The following KDM2A variants were observed in gnomAD, a reference collection of about 807,000 sequenced individuals.
KDM2A encodes lysine demethylase 2A, also known as lysine-specific demethylase 2A.
Under a neutral mutation model 137.3 loss-of-function variants are expected in KDM2A, and 3 were observed. The observed-to-expected ratio is 0.02, with a 90% confidence interval of 0.01 to 0.06. KDM2A has a LOEUF of 0.06. KDM2A is among the 10% of genes least tolerant of loss of function. The pLI is 1.00. For synonymous variants in KDM2A, 512 were observed against 541.5 expected (o/e 0.95, Z 0.76); for missense variants, 738 against 1,510.6 (o/e 0.49, Z 8.48).
At chr11:67,196,049 AT>A in intron 5 of KDM2A, 1 of 402,346 alleles carries the variant, frequency 2.5e-6, no homozygotes. Flanking sequence ...TAATCTTTTT[AT>A]TGCGTACCCA....
Position 67,231,771 on chromosome 11 carries a change from C to G in KDM2A, c.1290C>G (p.Ser430Arg). 1 of 1,614,048 alleles carries G rather than the reference C, an allele frequency of 6.2e-7. No homozygotes were observed. The highest frequency in any genetic ancestry group is 8.5e-7 in the Non-Finnish European group (1 of 1,179,898). The change falls in exon 12 of 21, where the codon AGC becomes AGG. Residue 430 changes from serine to arginine, a missense_variant. By Grantham distance (110) the Ser-to-Arg change is moderately radical. Transcript: ENST00000529006. ...TLAGDSSSDC[S>R]RGSHNGQVWD... ...CTGGGGACTCATCTTCTGACTGTAGCCGGGGCTCCCACAATGGACAAGTGT... is the reference window on the plus strand; with the variant it reads ...CTGGGGACTCATCTTCTGACTGTAGGCGGGGCTCCCACAATGGACAAGTGT...
intron 5 of KDM2A, among the ~76,000 whole-genome samples, chr11:67,187,056 G>C (rs1224276672): frequency 2.0e-5 from 3 of 152,212 alleles, no homozygotes; most frequent in South Asian, 4.1e-4. Flanking sequence ...TCTTTGAATA[G>C]TAGTGAAGTC....
At chr11:67,157,427 C>G (rs192996581) in intron 2 of KDM2A, among the ~76,000 whole-genome samples, 6 of 150,660 alleles carry the variant, frequency 4.0e-5, no homozygotes, top group Admixed American at 6.6e-5. Context: ...TTTTTAAAAG[C>G]AAAAAAATTC....
chr11:67,234,250 T>G (rs1000476525), intron 12 of KDM2A, among the ~76,000 whole-genome samples: 1 of 152,230 alleles, frequency 6.6e-6, no homozygotes, highest in African/African-American at 2.4e-5. Flanking sequence ...GCTGAATCAC[T>G]GCACAGCTGG....
intron 2 of KDM2A, among the ~76,000 whole-genome samples, chr11:67,138,058 A>G (rs1027819789): frequency 6.6e-6 from 1 of 152,102 alleles, no homozygotes; most frequent in Admixed American, 6.6e-5. Context: ...AGCCTCCCAA[A>G]GTGCTGGGAT....
chr11:67,163,200 A>G (rs954007574), intron 2 of KDM2A, among the ~76,000 whole-genome samples: 15 of 152,046 alleles, frequency 9.9e-5, no homozygotes, highest in African/African-American at 1.9e-4. Context: ...CCTTCCTTCA[A>G]ACTCTCTTGA....
In KDM2A at chr11:67,233,382, G is replaced by A. The variant is rs184908436; in HGVS notation, c.1479+1422G>A. On this transcript the variant is annotated intron_variant, in intron 12 of 20. Coordinates refer to ENST00000529006, the MANE Select transcript of KDM2A (RefSeq NM_012308.3). ...AAAAATACAAAAAAAGGCTCAGTGC[G>A]ATGTCTCATGCCTGTAATCCCAGCA... Among the ~76,000 whole-genome samples, 304 of 144,006 alleles carry A rather than the reference G, an allele frequency of 2.1e-3. 1 individual carries two copies. Among genetic ancestry groups the A allele is most frequent in the African/African-American group, 7.3e-3 (281 of 38,652 alleles). 94.5% of individuals were successfully genotyped at this position (144,006 alleles called of 152,430 possible).
chr11:67,206,748 T>C (rs915395297), intron 5 of KDM2A, among the ~76,000 whole-genome samples: 24 of 152,320 alleles, frequency 1.6e-4, no homozygotes, highest in South Asian at 4.1e-4. Flanking sequence ...AAAAAATAAA[T>C]AAACAAACTT....
At chr11:67,163,300 G>T (rs916125355) in intron 2 of KDM2A, among the ~76,000 whole-genome samples, 1 of 152,074 alleles carries the variant, frequency 6.6e-6, no homozygotes, top group African/African-American at 2.4e-5. Context: ...ATATTAAATC[G>T]GTGGCAGGAT....
intron 5 of KDM2A, among the ~76,000 whole-genome samples, chr11:67,201,916 C>G (rs978053086): frequency 6.6e-6 from 1 of 151,494 alleles, no homozygotes; most frequent in East Asian, 1.9e-4. Context: ...GATCTTGCCA[C>G]TCTATTCCAG....
intron 5 of KDM2A, among the ~76,000 whole-genome samples, chr11:67,188,735 G>C (rs1412658546): frequency 6.9e-6 from 1 of 145,664 alleles, no homozygotes; most frequent in Non-Finnish European, 1.5e-5. Flanking sequence ...AAGCTGCAGT[G>C]ACCTGAGATT....
Position 67,253,453 on chromosome 11 carries a change from G to A in KDM2A, c.2933G>A (p.Gly978Glu), listed in dbSNP as rs763890334. The A allele has an allele frequency of 3.1e-6, 5 of 1,613,092 alleles. No homozygotes were observed. The highest frequency in any genetic ancestry group is 4.2e-6 in the Non-Finnish European group (5 of 1,179,344). ...QLTWLVNRLPGLKDLLLAGCS... is the reference protein window; with the variant it reads ...QLTWLVNRLPELKDLLLAGCS... ...ACATGTCTCATTCCATCCATTGCAG[G>A]ACTGAAAGACCTCCTCCTAGCAGGC... The change falls in exon 19 of 21, where the codon GGA becomes GAA. Residue 978 changes from glycine to glutamate, a missense_variant and splice_region_variant. This residue lies in a region of KDM2A where 166 missense variants were observed against 324.0 expected (regional missense o/e 0.51). Coordinates refer to ENST00000529006, the MANE Select transcript of KDM2A (RefSeq NM_012308.3).
In KDM2A at chr11:67,245,637, A is replaced by C. The variant is rs954475998; in HGVS notation, c.1833+179A>C. 1 of 685,230 alleles carries C rather than the reference A, an allele frequency of 1.5e-6. No individual in the cohort carries two copies. The highest frequency in any genetic ancestry group is 3.0e-5 in the Admixed American group (1 of 33,664). The allele number at this position is 685,230 out of a possible 1,614,324, so 42.4% of individuals were successfully genotyped here. A position where few individuals can be genotyped will look rare whatever the true frequency, so the allele number is the denominator to read the frequency against. On this transcript the variant is annotated intron_variant, in intron 14 of 20. Transcript: ENST00000529006. The surrounding 1 kb of genome is among the most constrained non-coding windows in gnomAD (Gnocchi z 4.1). ...TTAGATAGAAGGTATCTAGTACTAA[A>C]AATCCGATTTAATCTTTAGGCTTTA...
intron 2 of KDM2A, among the ~76,000 whole-genome samples, chr11:67,167,046 C>T (rs556521642): frequency 3.3e-5 from 5 of 152,226 alleles, no homozygotes; most frequent in Admixed American, 6.5e-5. Context: ...CCATTGCACT[C>T]CAGCCTAGGC....
chr11:67,145,998 GTTT>G (rs552846225), intron 2 of KDM2A, among the ~76,000 whole-genome samples: 1 of 122,262 alleles, frequency 8.2e-6, no homozygotes, highest in Non-Finnish European at 1.7e-5. Flanking sequence ...GTTTTTTTTT[GTTT>G]TTTTTTTTTG....
At chr11:67,209,254 A>G (rs1042757805) in intron 6 of KDM2A, among the ~76,000 whole-genome samples, 13 of 151,818 alleles carry the variant, frequency 8.6e-5, no homozygotes, top group African/African-American at 3.1e-4. Context: ...TTTTTGTATT[A>G]GTAATCATGT....
chr11:67,247,071 ATTTTTTTTTTTTTTTTTT>A (rs1156333048), intron 15 of KDM2A, among the ~76,000 whole-genome samples: 1 of 16,786 alleles, frequency 6.0e-5, no homozygotes, highest in Non-Finnish European at 1.1e-4. Context: ...ATATATATAT[ATTTTTTTTTTTTTTTTTT>A]TTTTTTTTTT....
At chr11:67,146,209 G>A (rs1856243684) in intron 2 of KDM2A, among the ~76,000 whole-genome samples, 1 of 151,716 alleles carries the variant, frequency 6.6e-6, no homozygotes, top group African/African-American at 2.4e-5. Context: ...TGGCCAGGAT[G>A]GTCTCAATCT....
chr11:67,218,091 G>A (rs952683651), intron 9 of KDM2A, among the ~76,000 whole-genome samples: 2 of 152,128 alleles, frequency 1.3e-5, no homozygotes, highest in African/African-American at 4.8e-5. Context: ...AAGTATATGA[G>A]AATTGCCAGC....
Sources: allele counts gnomAD v4.1 joint callset (sites outside exome capture counted in the v4.1 genomes callset), GRCh38; gene constraint gnomAD v4.1.1; regional missense constraint gnomAD v4.1.1; non-coding constraint Gnocchi (gnomAD v3.1); transcripts MANE v1.5; gene names NCBI Gene and HGNC (gene_info 2026-07-23, HGNC 2026-07-21).